The following SPTLC1 variants were observed in gnomAD, a reference collection of about 807,000 sequenced individuals.
SPTLC1 encodes the protein serine palmitoyltransferase long chain base subunit 1.
In SPTLC1, 55 loss-of-function variants were observed where a neutral mutation model predicts 68.9. The observed-to-expected ratio is 0.80, with a 90% CI of 0.64 to 1.00. The LOEUF (loss-of-function observed/expected upper bound fraction) is 1.00, where lower values mean the gene tolerates loss of function less well. SPTLC1 is among the 50% of genes least tolerant of loss of function. SPTLC1 has a pLI of 0.00. For synonymous variants in SPTLC1, 197 were observed against 201.6 expected (o/e 0.98, Z 0.19); for missense variants, 449 against 573.1 (o/e 0.78, Z 2.21).
intron 6 of SPTLC1, among the ~76,000 whole-genome samples, chr9:92,067,170 A>G (rs1223050420): frequency 6.6e-6 from 1 of 151,294 alleles, no homozygotes; most frequent in Admixed American, 6.6e-5. Flanking sequence ...ATGGTGGCGC[A>G]TGCCTGTAAT....
Position 92,105,295 on chromosome 9 carries a change from G to A in SPTLC1, c.260+3445C>T, listed in dbSNP as rs1028359785. 2.0e-6 allele frequency: 3 copies of A among 1,534,174 alleles called. No individual in the cohort carries two copies. The African/African-American group carries it at 4.1e-5, about 21-fold the overall frequency. On this transcript the variant is annotated intron_variant, in intron 3 of 14. Transcript: ENST00000262554. ...GTCTATCTCCTGAGGCACTGTTGGT[G>A]GGTCAGGCTTCCCAAAGAGAAGGAC...
intron 6 of SPTLC1, among the ~76,000 whole-genome samples, chr9:92,062,840 AAACAC>A (rs1161077195): frequency 1.3e-5 from 2 of 152,222 alleles, no homozygotes; most frequent in African/African-American, 4.8e-5. Context: ...ATACAAATGA[AAACAC>A]AACACATCAA....
intron 12 of SPTLC1, among the ~76,000 whole-genome samples, chr9:92,042,510 C>G (rs781749911): frequency 2.0e-5 from 3 of 152,142 alleles, no homozygotes; most frequent in Non-Finnish European, 4.4e-5. Flanking sequence ...CAACCCCATT[C>G]ATAACAGCAA....
intron 3 of SPTLC1, among the ~76,000 whole-genome samples, chr9:92,083,373 G>T (rs2118698565): frequency 6.6e-6 from 1 of 151,946 alleles, no homozygotes; most frequent in South Asian, 2.1e-4. Flanking sequence ...TATGGTTTTA[G>T]GTCTAACGTT....
At chr9:92,062,185 C>T (rs7024215) in intron 6 of SPTLC1, among the ~76,000 whole-genome samples, 16,409 of 152,070 alleles carry the variant, frequency 0.11, 1,912 homozygotes, top group African/African-American at 0.3. Context: ...GGGTATCTGA[C>T]AAAGTAAACT....
intron 3 of SPTLC1, among the ~76,000 whole-genome samples, chr9:92,100,376 T>A (rs1835703599): frequency 6.6e-6 from 1 of 152,198 alleles, no homozygotes; most frequent in Admixed American, 6.5e-5. Flanking sequence ...GAACTAGTGG[T>A]CACTGCCTCC....
At chr9:92,078,276 A>G (rs1236281190) in intron 5 of SPTLC1, among the ~76,000 whole-genome samples, 1 of 152,332 alleles carries the variant, frequency 6.6e-6, no homozygotes, top group East Asian at 1.9e-4. Flanking sequence ...GATTACAATC[A>G]ACAACCCCAT....
chr9:92,050,907 G>T, intron 8 of SPTLC1: 1 of 799,922 alleles, frequency 1.3e-6, no homozygotes, highest in Non-Finnish European at 1.5e-6. Context: ...TGACCTCCTG[G>T]GCTCAAGTGA....
chr9:92,033,024 A>G (rs766340939), intron 14 of SPTLC1, among the ~76,000 whole-genome samples: 3 of 152,186 alleles, frequency 2.0e-5, no homozygotes, highest in Non-Finnish European at 4.4e-5. Flanking sequence ...AGTCCTCCCA[A>G]TAGGCCTGTC....
In SPTLC1 at chr9:92,032,318, C is replaced by T. The variant is rs544879549; in HGVS notation, c.*147G>A. ...AATAAGCATCCTTCTCATGGTCACA[C>T]AATTGGTCCATACTGACACCATTTG... On this transcript the variant is annotated 3_prime_UTR_variant, in exon 15 of 15. Transcript: ENST00000262554. 3 of 1,546,868 alleles carry T rather than the reference C, an allele frequency of 1.9e-6. No individual in the cohort carries two copies. The highest frequency in any genetic ancestry group is 1.7e-4 in the Middle Eastern group (1 of 6,018).
At chr9:92,063,430 A>AC (rs2118569124) in intron 6 of SPTLC1, among the ~76,000 whole-genome samples, 1 of 152,286 alleles carries the variant, frequency 6.6e-6, no homozygotes, top group Non-Finnish European at 1.5e-5. Flanking sequence ...GGAGAATTCT[A>AC]CCAAACAATT....
intron 6 of SPTLC1, among the ~76,000 whole-genome samples, chr9:92,061,551 CAGGAAGG>C (rs1408742048): frequency 6.6e-6 from 1 of 152,164 alleles, no homozygotes; most frequent in Non-Finnish European, 1.5e-5. Flanking sequence ...GTTAGATTAT[CAGGAAGG>C]AGGAAGGAGC....
At chr9:92,103,905 C>A (rs573346388) in intron 3 of SPTLC1, among the ~76,000 whole-genome samples, 11 of 152,322 alleles carry the variant, frequency 7.2e-5, no homozygotes, top group Admixed American at 6.5e-4. Flanking sequence ...CCCCAACAGC[C>A]CCACAGGGGG....
chr9:92,071,597 C>T (rs1454865062), intron 5 of SPTLC1, among the ~76,000 whole-genome samples: 2 of 152,166 alleles, frequency 1.3e-5, no homozygotes, highest in Admixed American at 6.5e-5. Flanking sequence ...CCCACTTACA[C>T]CTGAGAAAAC....
At chr9:92,082,030 G>C (rs1255130223) in intron 3 of SPTLC1, among the ~76,000 whole-genome samples, 1 of 152,120 alleles carries the variant, frequency 6.6e-6, no homozygotes, top group Non-Finnish European at 1.5e-5. Flanking sequence ...GAGTCTGTCA[G>C]AGAGATCCCC....
Position 92,031,482 on chromosome 9 carries a change from A to G in SPTLC1, c.*983T>C, listed in dbSNP as rs771458551. The G allele has an allele frequency of 6.6e-6, 1 of 152,202 alleles. No individual in the cohort carries two copies. Among genetic ancestry groups the G allele is most frequent in the Non-Finnish European group, 1.5e-5 (1 of 68,008 alleles). 9.4% of individuals were successfully genotyped at this position (152,202 alleles called of 1,614,324 possible). A position where few individuals can be genotyped will look rare whatever the true frequency, so the allele number is the denominator to read the frequency against. On this transcript the variant is annotated 3_prime_UTR_variant, in exon 15 of 15. Coordinates refer to ENST00000262554, the MANE Select transcript of SPTLC1 (RefSeq NM_006415.4). Reference sequence around the variant, plus strand: ...TGGTTTGCTAAAGAAAAAACAGGTAAAGTACTGCTTAAAAATGGTATTTTT... The same window carrying G: ...TGGTTTGCTAAAGAAAAAACAGGTAGAGTACTGCTTAAAAATGGTATTTTT...
At chr9:92,087,853 A>G (rs1587585119) in intron 3 of SPTLC1, among the ~76,000 whole-genome samples, 2 of 152,322 alleles carry the variant, frequency 1.3e-5, no homozygotes, top group African/African-American at 2.4e-5. Context: ...CCAGAGGTGG[A>G]GCCTACAGAG....
intron 13 of SPTLC1, among the ~76,000 whole-genome samples, chr9:92,035,384 G>A (rs1833108589): frequency 6.6e-6 from 1 of 152,170 alleles, no homozygotes; most frequent in Non-Finnish European, 1.5e-5. Flanking sequence ...ATCTGGGCAT[G>A]GTGCCACTGG....
intron 12 of SPTLC1, among the ~76,000 whole-genome samples, chr9:92,045,733 G>A (rs1234833056): frequency 6.6e-6 from 1 of 152,028 alleles, no homozygotes; most frequent in Non-Finnish European, 1.5e-5. Flanking sequence ...GTAAGATGTT[G>A]GGTTGTTATT....
Sources: gnomAD v4.1 joint callset for allele counts (sites outside exome capture counted in the v4.1 genomes callset) on GRCh38, gnomAD v4.1.1 for gene constraint, MANE v1.5 for transcripts, NCBI Gene and HGNC (gene_info 2026-07-23, HGNC 2026-07-21) for gene names.